The following EIF4G3 variants were observed in gnomAD, a reference collection of about 807,000 sequenced individuals.
The protein encoded by EIF4G3 is eIF-4-gamma 3.
In EIF4G3, 34 loss-of-function variants were observed where a neutral mutation model predicts 186.4. The ratio of observed to expected loss-of-function variants is 0.18; its 90% CI spans 0.14 to 0.24. The LOEUF is 0.24. EIF4G3 is among the 10% of genes least tolerant of loss of function. EIF4G3 has a pLI of 1.00. For synonymous variants in EIF4G3, 673 were observed against 679.5 expected, an observed-to-expected ratio of 0.99 and a Z score of 0.15; for missense variants, 1,536 against 1,948.5, an observed-to-expected ratio of 0.79 and a Z score of 3.99.
At chr1:20,816,056 G>A (rs1368948927) in intron 34 of EIF4G3, among the ~76,000 whole-genome samples, 3 of 114,546 alleles carry the variant, frequency 2.6e-5, no homozygotes, top group African/African-American at 6.7e-5. Context: ...GAGGAGGGGG[G>A]TCAGCCCCCC....
intron 2 of EIF4G3, among the ~76,000 whole-genome samples, chr1:21,110,725 C>A (rs1200867494): frequency 7.9e-6 from 1 of 126,418 alleles, no homozygotes; most frequent in African/African-American, 2.6e-5. Flanking sequence ...AGGCACCACG[C>A]CCAGCCTTTT....
At chr1:21,128,366 C>T (rs1399358545) in intron 2 of EIF4G3, among the ~76,000 whole-genome samples, 1 of 151,466 alleles carries the variant, frequency 6.6e-6, no homozygotes, top group Admixed American at 6.6e-5. Context: ...AAGAATTAGC[C>T]AGGTGTAGTG....
chr1:20,975,942 C>A (rs1207063603), intron 10 of EIF4G3, among the ~76,000 whole-genome samples: 3 of 151,786 alleles, frequency 2.0e-5, no homozygotes, highest in African/African-American at 7.2e-5. Flanking sequence ...AGCTGAACAG[C>A]TGCAACAGAG....
chr1:20,870,697 GACA>G (rs1249233982), intron 20 of EIF4G3, among the ~76,000 whole-genome samples: 2 of 152,124 alleles, frequency 1.3e-5, no homozygotes, highest in South Asian at 4.1e-4. Context: ...TTAGATACAG[GACA>G]ACATTTCTCT....
At chr1:20,830,147 G>A (rs2064725997) in intron 30 of EIF4G3, among the ~76,000 whole-genome samples, 1 of 152,220 alleles carries the variant, frequency 6.6e-6, no homozygotes, top group African/African-American at 2.4e-5. Flanking sequence ...GGTGGTAATT[G>A]TATGCATGCC....
intron 2 of EIF4G3, among the ~76,000 whole-genome samples, chr1:21,092,855 T>C (rs924817636): frequency 1.3e-5 from 2 of 152,106 alleles, no homozygotes; most frequent in African/African-American, 2.4e-5. Context: ...GGGGAAAAGA[T>C]TCCCTATTTA....
intron 4 of EIF4G3, among the ~76,000 whole-genome samples, chr1:21,042,980 AAAAT>A (rs765997604): frequency 1.3e-4 from 20 of 152,242 alleles, no homozygotes; most frequent in Non-Finnish European, 2.5e-4. Context: ...AACCAGATAA[AAAAT>A]AAATTAGTGG....
At chr1:21,047,676 T>C (rs1282089452) in intron 4 of EIF4G3, among the ~76,000 whole-genome samples, 2 of 152,192 alleles carry the variant, frequency 1.3e-5, no homozygotes, top group Non-Finnish European at 2.9e-5. Flanking sequence ...TCCACGCACA[T>C]TGATAAATCT....
At chr1:21,068,375 T>TAAAAAAAAAAAAAAAAAAC (rs2095326731) in intron 3 of EIF4G3, among the ~76,000 whole-genome samples, 1 of 67,824 alleles carries the variant, frequency 1.5e-5, no homozygotes, top group African/African-American at 4.9e-5. Context: ...ACTCTGTCTT[T>TAAAAAAAAAAAAAAAAAAC]AAAAAAAAAA....
intron 4 of EIF4G3, among the ~76,000 whole-genome samples, chr1:21,009,131 T>A (rs2086198268): frequency 6.6e-6 from 1 of 152,210 alleles, no homozygotes; most frequent in Non-Finnish European, 1.5e-5. Context: ...TGCTTTAAAA[T>A]TTCTCTTTAT....
chr1:20,966,920 T>G (rs1241152612), intron 12 of EIF4G3, among the ~76,000 whole-genome samples: 7 of 152,222 alleles, frequency 4.6e-5, no homozygotes, highest in Admixed American at 4.6e-4. Flanking sequence ...TGCATTTGGA[T>G]TTAAAAGCAT....
intron 31 of EIF4G3, among the ~76,000 whole-genome samples, chr1:20,828,919 G>A (rs1411784414): frequency 2.6e-5 from 4 of 152,020 alleles, no homozygotes; most frequent in Admixed American, 6.6e-5. Flanking sequence ...ATCTATCATC[G>A]CCACTACCCT....
intron 25 of EIF4G3, among the ~76,000 whole-genome samples, chr1:20,857,174 A>AAAAAAG (rs1321841580): frequency 6.6e-6 from 1 of 150,466 alleles, no homozygotes; most frequent in African/African-American, 2.4e-5. Flanking sequence ...AAAAAAAAAA[A>AAAAAAG]AAAAAGAAAA....
At chr1:21,063,889 T>G (rs1381391925) in intron 3 of EIF4G3, among the ~76,000 whole-genome samples, 7 of 150,788 alleles carry the variant, frequency 4.6e-5, no homozygotes, top group Admixed American at 4.6e-4. Flanking sequence ...TTTTTTTTTT[T>G]TTTTGGTATT....
At chr1:21,124,316 C>T (rs547145918) in intron 2 of EIF4G3, among the ~76,000 whole-genome samples, 28 of 151,816 alleles carry the variant, frequency 1.8e-4, no homozygotes, top group East Asian at 1.5e-3. Context: ...AGGTGTAGTA[C>T]AAAGCTTTCA....
intron 14 of EIF4G3, 66 bp from the exon 15 acceptor site, chr1:20,905,037 GTGAT>G: frequency 8.6e-7 from 1 of 1,162,442 alleles, no homozygotes; most frequent in Non-Finnish European, 1.3e-6. Context: ...TTAGGTCTAA[GTGAT>G]ACCTATATTC....
chr1:21,052,914 G>A (rs1252978513), intron 3 of EIF4G3, among the ~76,000 whole-genome samples: 2 of 152,078 alleles, frequency 1.3e-5, no homozygotes, highest in African/African-American at 2.4e-5. Context: ...GTGCAGTGGC[G>A]TGATCTCGGC....
chr1:21,008,694 A>G lies in EIF4G3; in HGVS notation c.-66-5886T>C, dbSNP rs186165807. Among the ~76,000 whole-genome samples the G allele has an allele frequency of 4.9e-3, 752 of 152,342 alleles. 6 individuals carry two copies. Among genetic ancestry groups the G allele is most frequent in the African/African-American group, 0.017 (717 of 41,568 alleles). ...TCAATAAAGAGATATAGATGTAAGA[A>G]GCACTTACTCAGCCACAGTGTATAA... On this transcript the variant is annotated intron_variant, in intron 4 of 36. Transcript: ENST00000602326.
chr1:20,886,614 A>C (rs771488741), intron 18 of EIF4G3, among the ~76,000 whole-genome samples: 2 of 152,200 alleles, frequency 1.3e-5, no homozygotes, highest in Non-Finnish European at 2.9e-5. Context: ...TGTTTGACAA[A>C]GCCGTTACTT....
Sources: allele counts gnomAD v4.1 joint callset (sites outside exome capture counted in the v4.1 genomes callset), GRCh38; gene constraint gnomAD v4.1.1; transcripts MANE v1.5; gene names NCBI Gene and HGNC (gene_info 2026-07-23, HGNC 2026-07-21).